The following SMAD3 variants were observed in gnomAD, a reference collection of about 807,000 sequenced individuals.
SMAD3 encodes SMAD family member 3.
Under a neutral mutation model 51.8 loss-of-function variants are expected in SMAD3, and 12 were observed. The observed-to-expected ratio is 0.23, with a 90% confidence interval of 0.15 to 0.38. The LOEUF is 0.38. SMAD3 is among the 10% of genes least tolerant of loss of function. The pLI is 1.00. For missense variants in SMAD3, 294 were observed against 565.6 expected, an observed-to-expected ratio of 0.52 and a Z score of 4.87; for synonymous variants, 238 against 227.7, an observed-to-expected ratio of 1.05 and a Z score of -0.41.
intron 1 of SMAD3, among the ~76,000 whole-genome samples, chr15:67,066,891 T>C (rs1959934893): frequency 6.6e-6 from 1 of 152,188 alleles, no homozygotes; most frequent in Non-Finnish European, 1.5e-5. Flanking sequence ...GATTGACAGA[T>C]TCCTTCTTCG....
At chr15:67,121,872 A>G (rs1016987401) in intron 1 of SMAD3, among the ~76,000 whole-genome samples, 2 of 152,232 alleles carry the variant, frequency 1.3e-5, no homozygotes, top group Non-Finnish European at 2.9e-5. Flanking sequence ...CAGTTTACAA[A>G]TGCCATCTGA....
rs575706992 is a variant in SMAD3, at chr15:67,096,163, C to G, written c.206+29803C>G. ...ACCCCATCATATCCTTTATTACTCA[C>G]GTCACTTCCCTGACACCAACCACTT... On this transcript the variant is annotated intron_variant, in intron 1 of 8. Coordinates refer to ENST00000327367, the MANE Select transcript of SMAD3 (RefSeq NM_005902.4). Among the ~76,000 whole-genome samples, 4 of 152,326 alleles carry G rather than the reference C, an allele frequency of 2.6e-5. No individual in the cohort carries two copies. In the East Asian group the frequency reaches 7.7e-4, roughly 29 times the overall value.
chr15:67,084,070 CTTTTTTTT>C (rs56675753), intron 1 of SMAD3, among the ~76,000 whole-genome samples: 230 of 85,072 alleles, frequency 2.7e-3, no homozygotes, highest in African/African-American at 9.4e-3. Flanking sequence ...CTTTTTTTTT[CTTTTTTTT>C]TTTTTTTTTT....
chr15:67,147,452 G>GA (rs1162060577), intron 1 of SMAD3, among the ~76,000 whole-genome samples: 1 of 151,776 alleles, frequency 6.6e-6, no homozygotes, highest in Non-Finnish European at 1.5e-5. Flanking sequence ...TCCTGGAGTA[G>GA]AAAAAAAACA....
chr15:67,094,822 T>TG (rs1275624580), intron 1 of SMAD3, among the ~76,000 whole-genome samples: 1 of 152,024 alleles, frequency 6.6e-6, no homozygotes, highest in Non-Finnish European at 1.5e-5. Context: ...AGTCAAGAGT[T>TG]GCACTCTTTT....
At chr15:67,102,042 A>C (rs983384579) in intron 1 of SMAD3, among the ~76,000 whole-genome samples, 1 of 152,208 alleles carries the variant, frequency 6.6e-6, no homozygotes, top group African/African-American at 2.4e-5. Context: ...TTCTTCCATC[A>C]AATCGGATTA....
At position 67,072,058 on chromosome 15, in the gene SMAD3, T is replaced by C. The variant is rs1960066348; in HGVS notation, c.206+5698T>C. 1.1e-4 allele frequency among the ~76,000 whole-genome samples: 16 copies of C among 152,342 alleles called. No homozygotes were observed. In the South Asian group the frequency reaches 3.3e-3, roughly 32 times the overall value. ...AAATATGAATACAGTCGCATTTAATTCTGATGAGAAATGCAAGAAGTTGAT... is the reference window on the plus strand; with the variant it reads ...AAATATGAATACAGTCGCATTTAATCCTGATGAGAAATGCAAGAAGTTGAT... On this transcript the variant is annotated intron_variant, in intron 1 of 8. Coordinates refer to ENST00000327367, the MANE Select transcript of SMAD3 (RefSeq NM_005902.4).
chr15:67,110,045 A>G (rs1020613761), intron 1 of SMAD3, among the ~76,000 whole-genome samples: 27 of 152,230 alleles, frequency 1.8e-4, no homozygotes, highest in Non-Finnish European at 3.1e-4. Flanking sequence ...TTTGCCTTTT[A>G]GGAGTTCTCT....
rs190643336 is a variant in SMAD3 at position 67,135,524 on chromosome 15, T to C, written c.207-29371T>C. Among the ~76,000 whole-genome samples the C allele has an allele frequency of 4.6e-5, 7 of 151,970 alleles. 1 individual carries two copies. Among genetic ancestry groups the C allele is most frequent in the Admixed American group, 4.6e-4 (7 of 15,260 alleles). On this transcript the variant is annotated intron_variant, in intron 1 of 8. Transcript: ENST00000327367. Reference sequence around the variant, plus strand: ...CCCTCTCTAAATAAATAAATGATAGTTTTCATTTTCCCTTCCACTTAATTG... The same window carrying C: ...CCCTCTCTAAATAAATAAATGATAGCTTTCATTTTCCCTTCCACTTAATTG...
chr15:67,109,745 G>A (rs373372257), intron 1 of SMAD3, among the ~76,000 whole-genome samples: 6 of 152,280 alleles, frequency 3.9e-5, no homozygotes, highest in South Asian at 4.1e-4. Context: ...ACATGACCCC[G>A]CGTGCTGCCT....
chr15:67,153,204 C>G (rs1962191631), intron 1 of SMAD3, among the ~76,000 whole-genome samples: 1 of 152,072 alleles, frequency 6.6e-6, no homozygotes, highest in South Asian at 2.1e-4. Flanking sequence ...TAAATTGCTT[C>G]TGTTTGGCCA....
At position 67,099,381 on chromosome 15, in the gene SMAD3, A is replaced by C. The variant is rs189675392; in HGVS notation, c.206+33021A>C. 1.2e-3 allele frequency among the ~76,000 whole-genome samples: 179 copies of C among 152,352 alleles called. 1 individual carries two copies. Among genetic ancestry groups the C allele is most frequent in the African/African-American group, 4.3e-3 (177 of 41,586 alleles). On this transcript the variant is annotated intron_variant, in intron 1 of 8. Coordinates refer to ENST00000327367, the MANE Select transcript of SMAD3 (RefSeq NM_005902.4). ...GAATTGTGTTTTAAGACTACTGGGA[A>C]AACCATTTAAAGGAATCCTGTTGTA...
intron 1 of SMAD3, among the ~76,000 whole-genome samples, chr15:67,153,550 G>T (rs1962204369): frequency 6.6e-6 from 1 of 152,132 alleles, no homozygotes; most frequent in Non-Finnish European, 1.5e-5. Flanking sequence ...CATTTCCTTA[G>T]CCCAGGGGGA....
intron 4 of SMAD3, among the ~76,000 whole-genome samples, chr15:67,170,170 C>T (rs750950006): frequency 3.3e-5 from 5 of 152,132 alleles, no homozygotes; most frequent in Non-Finnish European, 1.5e-5. Flanking sequence ...TTCCCTGCTC[C>T]TCTCATTTTC....
At chr15:67,098,574 A>C in intron 1 of SMAD3, 1 of 378,438 alleles carries the variant, frequency 2.6e-6, no homozygotes, top group Non-Finnish European at 4.9e-6. Flanking sequence ...CCTGGCGAAC[A>C]GCTTGGCAGC....
At position 67,069,766 on chromosome 15, in the gene SMAD3, G is replaced by A. The variant is rs555024169; in HGVS notation, c.206+3406G>A. On this transcript the variant is annotated intron_variant, in intron 1 of 8. Coordinates refer to ENST00000327367, the MANE Select transcript of SMAD3 (RefSeq NM_005902.4). ...TTGTTGCCCAGGCTGGAGCGCAGTG[G>A]CATGATCTTAGCTCACTGCAACCTC... Among the ~76,000 whole-genome samples, 107 of 152,238 alleles carry A rather than the reference G, an allele frequency of 7.0e-4. 1 individual carries two copies. The highest frequency in any genetic ancestry group is 2.5e-3 in the African/African-American group (103 of 41,538).
chr15:67,194,049 C>G lies in SMAD3; in HGVS notation c.*3513C>G, dbSNP rs922950003. 4.3e-6 allele frequency: 1 copy of G among 233,212 alleles called. No individual in the cohort carries two copies. The highest frequency in any genetic ancestry group is 2.2e-5 in the African/African-American group (1 of 45,342). 14.4% of individuals were successfully genotyped at this position (233,212 alleles called of 1,614,324 possible). A position where few individuals can be genotyped will look rare whatever the true frequency, so the allele number is the denominator to read the frequency against. The stretch of plus-strand genomic sequence containing the variant: ...AAGAATCTGCAGGCTGCTTGTAGGA[C>G]TGTTCACCAAGGGGGATACCAGCAG... On this transcript the variant is annotated 3_prime_UTR_variant, in exon 9 of 9. Coordinates refer to ENST00000327367, the MANE Select transcript of SMAD3 (RefSeq NM_005902.4).
intron 5 of SMAD3, among the ~76,000 whole-genome samples, chr15:67,175,261 C>A (rs975319260): frequency 2.0e-5 from 3 of 152,104 alleles, no homozygotes; most frequent in South Asian, 2.1e-4. Flanking sequence ...CCTGAGGGAG[C>A]AGTTGAGCTG....
chr15:67,128,542 T>A (rs976748889), intron 1 of SMAD3, among the ~76,000 whole-genome samples: 1 of 146,846 alleles, frequency 6.8e-6, no homozygotes, highest in Non-Finnish European at 1.5e-5. Flanking sequence ...TTCATAAGAT[T>A]TTTTTTTTCA....
Sources: gnomAD v4.1 joint callset for allele counts (sites outside exome capture counted in the v4.1 genomes callset) on GRCh38, gnomAD v4.1.1 for gene constraint, MANE v1.5 for transcripts, NCBI Gene and HGNC (gene_info 2026-07-23, HGNC 2026-07-21) for gene names.